ZBP1: variants seen among roughly 807,000 people sequenced by gnomAD.
The protein encoded by ZBP1 is Z-DNA-binding protein 1.
A neutral mutation model predicts 41.1 loss-of-function variants in ZBP1; 42 were observed. The observed-to-expected ratio is 1.02, with a 90% CI of 0.80 to 1.32. The LOEUF is 1.32. Among genes scored for constraint, ZBP1 ranks in the 40% most tolerant of loss-of-function variants. ZBP1 has a pLI of 0.00. For missense variants in ZBP1, 562 were observed against 549.7 expected, an observed-to-expected ratio of 1.02 and a Z score of -0.22; for synonymous variants, 214 against 205.2, an observed-to-expected ratio of 1.04 and a Z score of -0.37.
At chr20:57,619,090 A>G (rs1358156185) in intron 1 of ZBP1, among the ~76,000 whole-genome samples, 1 of 152,218 alleles carries the variant, frequency 6.6e-6, no homozygotes, top group Non-Finnish European at 1.5e-5. Flanking sequence ...AGGAAAATCA[A>G]CTGGGGAGGA....
At chr20:57,606,617 C>G (rs2146556126) in intron 7 of ZBP1, among the ~76,000 whole-genome samples, 1 of 152,302 alleles carries the variant, frequency 6.6e-6, no homozygotes, top group Admixed American at 6.5e-5. Context: ...GACAGGCTCT[C>G]TTGTTGGAGA....
chr20:57,616,567 T>C (rs2070838304), intron 1 of ZBP1, 99 bp from the exon 2 acceptor site: 4 of 1,264,738 alleles, frequency 3.2e-6, no homozygotes, highest in Non-Finnish European at 4.5e-6. Context: ...AGGCCCCTTT[T>C]TGAGAGGGGT....
chr20:57,613,426 G>T lies in ZBP1; in HGVS notation c.503-96C>A. 2.2e-6 allele frequency: 3 copies of T among 1,369,566 alleles called. No homozygotes were observed. Among genetic ancestry groups the T allele is most frequent in the Non-Finnish European group, 3.0e-6 (3 of 990,774 alleles). 84.8% of individuals were successfully genotyped at this position (1,369,566 alleles called of 1,614,324 possible). On this transcript the variant is annotated intron_variant, in intron 4 of 7. Coordinates refer to ENST00000371173, the MANE Select transcript of ZBP1 (RefSeq NM_030776.3). This position sits in a 1 kb window ranked among gnomAD's most constrained non-coding sequence, Gnocchi z 4.5. ...AGCACCAAATTCTCCTGGGGAGCTT[G>T]TTAAAATACCCTGGGCGTTCCGAGT...
In ZBP1 at chr20:57,620,382, G is replaced by T. The variant is rs891768401; in HGVS notation, c.-87C>A. ...CCCTGAGAGGGTGGGCTAGGTCGAGGCTGGGGCTTCTGAAGTGGCCGAGCC... is the reference window on the plus strand; with the variant it reads ...CCCTGAGAGGGTGGGCTAGGTCGAGTCTGGGGCTTCTGAAGTGGCCGAGCC... On this transcript the variant is annotated 5_prime_UTR_variant, in exon 1 of 8. Coordinates refer to ENST00000371173, the MANE Select transcript of ZBP1 (RefSeq NM_030776.3). 4.7e-6 allele frequency: 7 copies of T among 1,475,170 alleles called. No individual in the cohort carries two copies. Among genetic ancestry groups the T allele is most frequent in the African/African-American group, 1.4e-5 (1 of 70,962 alleles). 91.4% of individuals were successfully genotyped at this position (1,475,170 alleles called of 1,614,324 possible).
At chr20:57,616,568 T>A (rs2070838397) in intron 1 of ZBP1, 100 bp from the exon 2 acceptor site, 1 of 1,264,942 alleles carries the variant, frequency 7.9e-7, no homozygotes, top group Non-Finnish European at 1.1e-6. Flanking sequence ...GGCCCCTTTT[T>A]GAGAGGGGTC....
At chr20:57,612,550 GT>G (rs1458451019) in intron 5 of ZBP1, among the ~76,000 whole-genome samples, 1 of 148,446 alleles carries the variant, frequency 6.7e-6, no homozygotes, top group African/African-American at 2.4e-5. Flanking sequence ...TACAGGGAGT[GT>G]CCCGACTTTG....
chr20:57,607,019 C>G, intron 7 of ZBP1: 1 of 1,275,008 alleles, frequency 7.8e-7, no homozygotes, highest in Non-Finnish European at 1.0e-6. Flanking sequence ...AGCATCCATT[C>G]TGCAGCCCAT....
At chr20:57,615,140 C>A in intron 3 of ZBP1, 80 bp from the exon 4 acceptor site, 1 of 1,479,352 alleles carries the variant, frequency 6.8e-7, no homozygotes. Context: ...CTGTGTGGCC[C>A]TGGACCCAGC....
intron 7 of ZBP1, among the ~76,000 whole-genome samples, chr20:57,609,729 A>G (rs183468768): frequency 2.6e-4 from 39 of 151,920 alleles, no homozygotes; most frequent in Non-Finnish European, 4.4e-5. Flanking sequence ...GCAGAACCTT[A>G]TTTGCATGGC....
At position 57,613,342 on chromosome 20, in the gene ZBP1, T is replaced by G. The variant is rs190139746; in HGVS notation, c.503-12A>C. On this transcript the variant is annotated splice_polypyrimidine_tract_variant and intron_variant, in intron 4 of 7. Transcript: ENST00000371173. The surrounding 1 kb of genome is among the most constrained non-coding windows in gnomAD (Gnocchi z 4.5). ...TCTTCCAGAATCTTCTGCAAAATAA[T>G]ATTCAACTGTATCCCTTTGCCACTG... 2.5e-4 allele frequency: 396 copies of G among 1,610,106 alleles called. 2 individuals are homozygous for G. The South Asian group carries it at 2.5e-3, about 10-fold the overall frequency.
In ZBP1 at chr20:57,611,753, G is replaced by A. The variant is rs768908946; in HGVS notation, c.848C>T (p.Ala283Val). The stretch of plus-strand genomic sequence containing the variant: ...TGGGGGGCTGCCAGGGGGGATGTGG[G>A]CAGGGCCCTCGGACGGGACGCCGTG... Reference protein sequence around the residue: ...RLHGVPSEGPAHIPPGSPPVS... With the variant: ...RLHGVPSEGPVHIPPGSPPVS... The change falls in exon 6 of 8, where the codon GCC becomes GTC. Residue 283 changes from alanine (A) to valine (V), a missense_variant. By Grantham distance (64) the Ala-to-Val change is moderately conservative (BLOSUM62 0). Transcript: ENST00000371173. The A allele has an allele frequency of 1.2e-6, 2 of 1,611,760 alleles. No homozygotes were observed. Among genetic ancestry groups the A allele is most frequent in the Non-Finnish European group, 1.7e-6 (2 of 1,179,448 alleles).
chr20:57,607,199 G>A, intron 7 of ZBP1: 9 of 1,304,080 alleles, frequency 6.9e-6, no homozygotes, highest in Non-Finnish European at 9.1e-6. Context: ...TGTGATTCAT[G>A]GGAGGAGGTC....
chr20:57,604,453 G>A lies in ZBP1; in HGVS notation c.*120C>T. 1 of 1,285,116 alleles carries A rather than the reference G, an allele frequency of 7.8e-7. No individual in the cohort carries two copies. Among genetic ancestry groups the A allele is most frequent in the Non-Finnish European group, 1.1e-6 (1 of 890,022 alleles). The allele number at this position is 1,285,116 out of a possible 1,614,324, so 79.6% of individuals were successfully genotyped here. On this transcript the variant is annotated 3_prime_UTR_variant, in exon 8 of 8. Transcript: ENST00000371173. ...CATTCCCCCAAAACTGATTCATGCA[G>A]GTTATGTCTGGAAGCAAGCAGGTCA...
chr20:57,616,642 C>T, intron 1 of ZBP1, 174 bp from the exon 2 acceptor site: 3 of 648,836 alleles, frequency 4.6e-6, no homozygotes, highest in South Asian at 1.9e-5. Context: ...GCAGCTGCAT[C>T]TGCCCAGAGG....
intron 1 of ZBP1, 55 bp from the exon 2 acceptor site, chr20:57,616,523 G>A: frequency 6.3e-7 from 1 of 1,597,428 alleles, no homozygotes; most frequent in African/African-American, 1.3e-5. Context: ...GGTCCCCACA[G>A]TTGAGCCCAG....
Position 57,613,078 on chromosome 20 carries a change from C to A in ZBP1, c.670+85G>T, listed in dbSNP as rs1262972155. ...CCTTGGAGGGCAGAATCCCCCCACT[C>A]CCCATCCCTACCCTTTGCCCCCACC... On this transcript the variant is annotated intron_variant, in intron 5 of 7. Coordinates refer to ENST00000371173, the MANE Select transcript of ZBP1 (RefSeq NM_030776.3). This position sits in a 1 kb window ranked among gnomAD's most constrained non-coding sequence, Gnocchi z 4.5. The A allele has an allele frequency of 6.3e-7, 1 of 1,575,526 alleles. No individual in the cohort carries two copies.
chr20:57,617,998 A>G (rs1434170688), intron 1 of ZBP1: 3 of 152,284 alleles, frequency 2.0e-5, no homozygotes, highest in Admixed American at 1.3e-4. Context: ...TTTAATGAGG[A>G]CTAAGCAGGA....
chr20:57,604,307 C>T lies in ZBP1; in HGVS notation c.*266G>A. 2 of 613,166 alleles carry T rather than the reference C, an allele frequency of 3.3e-6. No homozygotes were observed. The highest frequency in any genetic ancestry group is 3.1e-5 in the South Asian group (2 of 65,524). The allele number at this position is 613,166 out of a possible 1,614,324, so 38.0% of individuals were successfully genotyped here. A position where few individuals can be genotyped will look rare whatever the true frequency, so the allele number is the denominator to read the frequency against. On this transcript the variant is annotated 3_prime_UTR_variant, in exon 8 of 8. Transcript: ENST00000371173. ...GAGAGAGTCCCCTGGGCCTGGGGGACCGAGCCCCACTCCCATCTACCCACC... is the reference window on the plus strand; with the variant it reads ...GAGAGAGTCCCCTGGGCCTGGGGGATCGAGCCCCACTCCCATCTACCCACC...
Position 57,613,083 on chromosome 20 carries a change from T to C in ZBP1, c.670+80A>G. The stretch of plus-strand genomic sequence containing the variant: ...GAGGGCAGAATCCCCCCACTCCCCA[T>C]CCCTACCCTTTGCCCCCACCCAGAG... On this transcript the variant is annotated intron_variant, in intron 5 of 7. Transcript: ENST00000371173. The surrounding 1 kb of genome is among the most constrained non-coding windows in gnomAD (Gnocchi z 4.5). The C allele has an allele frequency of 6.3e-7, 1 of 1,576,942 alleles. No individual in the cohort carries two copies. The highest frequency in any genetic ancestry group is 8.6e-7 in the Non-Finnish European group (1 of 1,159,760).
Sources: allele counts gnomAD v4.1 joint callset (sites outside exome capture counted in the v4.1 genomes callset), GRCh38; gene constraint gnomAD v4.1.1; non-coding constraint Gnocchi (gnomAD v3.1); transcripts MANE v1.5; gene names NCBI Gene and HGNC (gene_info 2026-07-23, HGNC 2026-07-21).